MPRIP: variants seen among roughly 807,000 people sequenced by gnomAD.
MPRIP encodes the protein myosin phosphatase Rho-interacting protein.
Under a neutral mutation model 234.9 loss-of-function variants are expected in MPRIP, and 59 were observed. The ratio of observed to expected loss-of-function variants is 0.25; its 90% CI spans 0.20 to 0.31. The LOEUF is 0.31. MPRIP is among the 10% of genes least tolerant of loss of function. The probability of loss-of-function intolerance (pLI) is 1.00; values close to 1 mark genes in which losing one functional copy is unlikely to be tolerated. For synonymous variants in MPRIP, 1,144 were observed against 1,263.9 expected, an observed-to-expected ratio of 0.91 and a Z score of 2.01; for missense variants, 2,436 against 3,071.0, an observed-to-expected ratio of 0.79 and a Z score of 4.89.
intron 16 of MPRIP, chr17:17,168,847 G>A: frequency 2.2e-6 from 1 of 456,842 alleles, no homozygotes; most frequent in Non-Finnish European, 4.4e-6. Context: ...CGCGCACACA[G>A]CCAGCACCAT....
At position 17,172,729 on chromosome 17, in the gene MPRIP, G is replaced by C; in HGVS notation, c.6504G>C (p.Glu2168Asp). ...AAGCCATGAAGAACGCCCACCGGGA[G>C]GAAATGGAGCGGGAGCTGGAGAAGA... ...AIEAMKNAHR[E>D]EMERELEKSQ... Residue 2168 changes from glutamate to aspartate, a missense_variant, in exon 18 of 24, where the codon GAG becomes GAC. Coordinates refer to ENST00000651222, the MANE Select transcript of MPRIP (RefSeq NM_001364716.4). The C allele has an allele frequency of 6.2e-7, 1 of 1,611,964 alleles. No homozygotes were observed. Among genetic ancestry groups the C allele is most frequent in the Non-Finnish European group, 8.5e-7 (1 of 1,180,018 alleles).
At position 17,192,149 on chromosome 17, in the gene MPRIP, G is replaced by T. The variant is rs1171670020; in HGVS notation, c.*7255G>T. The stretch of plus-strand genomic sequence containing the variant: ...GCTTCAGTCACCTCTGCCGCAGCTT[G>T]TGATTCCAGCAGTTCTCACAAACGT... On this transcript the variant is annotated 3_prime_UTR_variant, in exon 24 of 24. Coordinates refer to ENST00000651222, the MANE Select transcript of MPRIP (RefSeq NM_001364716.4). 6.6e-6 allele frequency: 1 copy of T among 152,212 alleles called. No individual in the cohort carries two copies. Among genetic ancestry groups the T allele is most frequent in the African/African-American group, 2.4e-5 (1 of 41,454 alleles). 9.4% of individuals were successfully genotyped at this position (152,212 alleles called of 1,614,324 possible).
intron 4 of MPRIP, among the ~76,000 whole-genome samples, chr17:17,130,034 T>C (rs1179181530): frequency 1.3e-5 from 2 of 152,228 alleles, no homozygotes; most frequent in African/African-American, 2.4e-5. Flanking sequence ...AAGGCCTGCC[T>C]GTCTGCTGGC....
chr17:17,162,976 C>A (rs1382903079), intron 15 of MPRIP, among the ~76,000 whole-genome samples: 2 of 152,186 alleles, frequency 1.3e-5, no homozygotes, highest in East Asian at 3.8e-4. Flanking sequence ...ATTGCATGAG[C>A]CTACACTGAA....
chr17:17,071,672 C>T (rs549089027), intron 1 of MPRIP, among the ~76,000 whole-genome samples: 24 of 152,222 alleles, frequency 1.6e-4, no homozygotes, highest in South Asian at 6.2e-4. Flanking sequence ...GTGGAGCCTC[C>T]GACTTGTGTG....
intron 1 of MPRIP, among the ~76,000 whole-genome samples, chr17:17,059,806 C>T (rs940361890): frequency 1.3e-5 from 2 of 152,194 alleles, no homozygotes; most frequent in Admixed American, 6.5e-5. Flanking sequence ...TGGGGAGTGG[C>T]CCAGTTGGGA....
chr17:17,080,701 C>T (rs545190590), intron 3 of MPRIP, among the ~76,000 whole-genome samples: 1 of 152,338 alleles, frequency 6.6e-6, no homozygotes, highest in East Asian at 1.9e-4. Context: ...TCAACAGTGC[C>T]AAGGCCAAGA....
At chr17:17,067,301 G>A (rs2089061271) in intron 1 of MPRIP, among the ~76,000 whole-genome samples, 1 of 151,868 alleles carries the variant, frequency 6.6e-6, no homozygotes, top group Admixed American at 6.6e-5. Context: ...TATTCAAATT[G>A]CTGTCATCAC....
intron 5 of MPRIP, among the ~76,000 whole-genome samples, chr17:17,134,621 G>T (rs55881490): frequency 0.088 from 13,327 of 152,266 alleles, 741 homozygotes; most frequent in Middle Eastern, 0.16. Context: ...TATCCTGTCC[G>T]TGAGGCCTGG....
intron 3 of MPRIP, among the ~76,000 whole-genome samples, chr17:17,090,337 C>A (rs2089686135): frequency 6.6e-6 from 1 of 152,222 alleles, no homozygotes; most frequent in African/African-American, 2.4e-5. Flanking sequence ...CCCCTGTCCT[C>A]ATGTAGCTAA....
At chr17:17,131,494 C>T (rs368062967) in intron 4 of MPRIP, 123 bp from the exon 5 acceptor site, 4 of 751,214 alleles carry the variant, frequency 5.3e-6, no homozygotes, top group African/African-American at 3.4e-5. Flanking sequence ...CTGGCCCCAG[C>T]GTAGCAGTCT....
intron 16 of MPRIP, chr17:17,169,095 CA>C (rs2046073889): frequency 2.3e-6 from 1 of 430,374 alleles, no homozygotes; most frequent in African/African-American, 2.0e-5. Flanking sequence ...ATTCTTTCCC[CA>C]AATCAGTCAA....
At chr17:17,156,222 C>T (rs1241750094) in intron 13 of MPRIP, among the ~76,000 whole-genome samples, 1 of 152,230 alleles carries the variant, frequency 6.6e-6, no homozygotes, top group Non-Finnish European at 1.5e-5. Context: ...GCACACAGCT[C>T]AGGAGAGGCG....
intron 3 of MPRIP, among the ~76,000 whole-genome samples, chr17:17,113,932 G>A (rs899377607): frequency 1.6e-5 from 2 of 123,222 alleles, no homozygotes; most frequent in Non-Finnish European, 3.1e-5. Context: ...TCACTCTGTT[G>A]CCCAGACTGG....
intron 18 of MPRIP, chr17:17,173,686 C>T (rs1041832363): frequency 3.7e-5 from 25 of 675,494 alleles, no homozygotes; most frequent in Non-Finnish European, 6.2e-5. Context: ...GACTGGCATC[C>T]CCAGAGAAGT....
At chr17:17,124,507 A>G (rs573120608) in intron 3 of MPRIP, among the ~76,000 whole-genome samples, 2 of 152,216 alleles carry the variant, frequency 1.3e-5, no homozygotes, top group Non-Finnish European at 2.9e-5. Flanking sequence ...CCACGGTCCC[A>G]AGGACCAGGG....
Position 17,165,764 on chromosome 17 carries a change from C to T in MPRIP, c.4173C>T (p.Tyr1391=), listed in dbSNP as rs1230343141. Residue 1391 remains tyrosine, a synonymous_variant, in exon 16 of 24, where the codon TAC becomes TAT. Transcript: ENST00000651222. ...SIIHSLETKL[Y]VTEEKLKDVT... The stretch of plus-strand genomic sequence containing the variant: ...TCCACTCCCTGGAGACCAAGCTCTA[C>T]GTCACAGAGGAAAAGCTCAAAGACG... 1.8e-5 allele frequency: 24 copies of T among 1,304,628 alleles called. No homozygotes were observed. The highest frequency in any genetic ancestry group is 9.9e-5 in the South Asian group (8 of 81,028). 80.8% of individuals were successfully genotyped at this position (1,304,628 alleles called of 1,614,324 possible).
intron 7 of MPRIP, among the ~76,000 whole-genome samples, chr17:17,139,907 T>G (rs1160912545): frequency 1.3e-5 from 2 of 152,188 alleles, no homozygotes; most frequent in Admixed American, 1.3e-4. Flanking sequence ...AGTAGCCTGA[T>G]GAGGATCTGT....
At chr17:17,043,141 A>T (rs2088232507) in intron 1 of MPRIP, among the ~76,000 whole-genome samples, 170 bp downstream of exon 1, 1 of 152,118 alleles carries the variant, frequency 6.6e-6, no homozygotes, top group East Asian at 1.9e-4. Flanking sequence ...ACAAAGGGAA[A>T]ATCCTCGAGT....
Sources: gnomAD v4.1 joint callset for allele counts (sites outside exome capture counted in the v4.1 genomes callset) on GRCh38, gnomAD v4.1.1 for gene constraint, MANE v1.5 for transcripts, NCBI Gene and HGNC (gene_info 2026-07-23, HGNC 2026-07-21) for gene names.